LAMA2: variants seen among roughly 807,000 people sequenced by gnomAD.
LAMA2 encodes the protein laminin subunit alpha-2.
Under a neutral mutation model 364.8 loss-of-function variants are expected in LAMA2, and 269 were observed. That is an observed-to-expected ratio of 0.74 (90% CI 0.67 to 0.82). LAMA2 has a LOEUF of 0.82. Among genes scored for constraint, LAMA2 ranks in the 40% least tolerant of loss-of-function variants. The pLI, the probability that LAMA2 is intolerant of heterozygous loss-of-function variation, is 0.00. For missense variants in LAMA2, 3,807 were observed against 3,873.2 expected (o/e 0.98, Z 0.45); for synonymous variants, 1,379 against 1,370.6 (o/e 1.01, Z -0.14).
chr6:129,133,090 A>T (rs1430926232), intron 4 of LAMA2, among the ~76,000 whole-genome samples: 1 of 152,202 alleles, frequency 6.6e-6, no homozygotes, highest in African/African-American at 2.4e-5. Context: ...ACATACAAAC[A>T]TCCTTACAGT....
chr6:128,927,986 C>T (rs1446337604), intron 1 of LAMA2, among the ~76,000 whole-genome samples: 1 of 152,150 alleles, frequency 6.6e-6, no homozygotes, highest in Non-Finnish European at 1.5e-5. Flanking sequence ...CTGTAAAGTA[C>T]AGGAAATACT....
At chr6:129,055,166 A>ATTATTATTAT (rs35284161) in intron 2 of LAMA2, among the ~76,000 whole-genome samples, 67,022 of 122,880 alleles carry the variant, frequency 0.55, 17,806 homozygotes, top group East Asian at 0.79. Flanking sequence ...TTTACTTTAC[A>ATTATTATTAT]TTATTATTAT....
Position 129,464,416 on chromosome 6 carries a change from G to C in LAMA2, c.7119G>C (p.Ser2373=), listed in dbSNP as rs780101728. The C allele has an allele frequency of 4.3e-6, 7 of 1,612,050 alleles. No homozygotes were observed. In the Admixed American group the frequency reaches 1.2e-4, roughly 27 times the overall value. ...TGTTCAAGTTCAGAACATTTTCTTCGAGTGCTCTTCTGATGTATCTTGCCA... is the reference window on the plus strand; with the variant it reads ...TGTTCAAGTTCAGAACATTTTCTTCCAGTGCTCTTCTGATGTATCTTGCCA... ...TVMFKFRTFS[S]SALLMYLATR... The change falls in exon 50 of 65, where the codon TCG becomes TCC. Residue 2373 remains serine (S), a synonymous_variant. Coordinates refer to ENST00000421865, the MANE Select transcript of LAMA2 (RefSeq NM_000426.4).
At chr6:129,339,693 C>T (rs752698148) in intron 29 of LAMA2, among the ~76,000 whole-genome samples, 1 of 152,124 alleles carries the variant, frequency 6.6e-6, no homozygotes, top group Non-Finnish European at 1.5e-5. Flanking sequence ...GGAGAAACAT[C>T]AACTGGCTTA....
intron 1 of LAMA2, among the ~76,000 whole-genome samples, chr6:128,910,141 C>G (rs538141613): frequency 6.6e-6 from 1 of 152,026 alleles, no homozygotes; most frequent in Non-Finnish European, 1.5e-5. Context: ...CGAGAAGTAT[C>G]TTTGTGGCCT....
chr6:129,297,709 G>A lies in LAMA2; in HGVS notation c.2881G>A (p.Ala961Thr), dbSNP rs147301872. 3.0e-5 allele frequency: 49 copies of A among 1,613,912 alleles called. No individual in the cohort carries two copies. The East Asian group carries it at 3.8e-4, about 12-fold the overall frequency. The change falls in exon 21 of 65, where the codon GCA becomes ACA. Residue 961 changes from alanine to threonine, a missense_variant. Ala to Thr is a moderately conservative substitution (Grantham distance 58). Around this residue, in one of 3 missense-constraint regions of LAMA2, gnomAD observed 3,333 missense variants for 3,345.7 expected, o/e 1.00. Coordinates refer to ENST00000421865, the MANE Select transcript of LAMA2 (RefSeq NM_000426.4). The part of the protein sequence containing the change: ...CKAGTFGLQS[A>T]RGCVPCNCNS... The stretch of plus-strand genomic sequence containing the variant: ...GGCTGGGACCTTTGGCCTACAATCA[G>A]CAAGGGGCTGTGTTCCCTGCAACTG...
At chr6:129,378,058 A>G (rs924679789) in intron 34 of LAMA2, among the ~76,000 whole-genome samples, 40 of 152,230 alleles carry the variant, frequency 2.6e-4, no homozygotes, top group African/African-American at 9.4e-4. Flanking sequence ...TGTGTAAGGC[A>G]TCATTTACAA....
intron 1 of LAMA2, among the ~76,000 whole-genome samples, chr6:128,907,687 G>A (rs1470704455): frequency 2.0e-5 from 3 of 152,150 alleles, no homozygotes; most frequent in Admixed American, 6.5e-5. Context: ...TAGGAGTGGT[G>A]AGAGAGGGCA....
At chr6:129,152,966 A>G (rs1257436580) in intron 7 of LAMA2, among the ~76,000 whole-genome samples, 7 of 152,002 alleles carry the variant, frequency 4.6e-5, no homozygotes, top group Non-Finnish European at 8.8e-5. Context: ...ATTGAGCTGT[A>G]TGCATACAAG....
At chr6:128,893,385 T>C (rs1037795800) in intron 1 of LAMA2, among the ~76,000 whole-genome samples, 1 of 151,844 alleles carries the variant, frequency 6.6e-6, no homozygotes, top group African/African-American at 2.4e-5. Flanking sequence ...AACCATTTGT[T>C]ATTAATTAAT....
chr6:129,501,094 T>G (rs1178492464), intron 58 of LAMA2, among the ~76,000 whole-genome samples: 1 of 152,204 alleles, frequency 6.6e-6, no homozygotes, highest in African/African-American at 2.4e-5. Flanking sequence ...TGAGGAAGAC[T>G]GCAAGCTGCG....
intron 1 of LAMA2, among the ~76,000 whole-genome samples, chr6:128,972,586 T>TG (rs531652814): frequency 1.9e-3 from 295 of 152,304 alleles, no homozygotes; most frequent in African/African-American, 6.9e-3. Context: ...GAATCTTTTC[T>TG]GGGGGTATTG....
chr6:129,373,816 T>G (rs4298368), intron 34 of LAMA2, among the ~76,000 whole-genome samples: 58,197 of 152,032 alleles, frequency 0.38, 12,860 homozygotes, highest in Non-Finnish European at 0.5. Context: ...AAAGTACCAT[T>G]TTCATCACAT....
intron 29 of LAMA2, among the ~76,000 whole-genome samples, chr6:129,339,624 T>C (rs1411007908): frequency 6.6e-6 from 1 of 152,070 alleles, no homozygotes; most frequent in Non-Finnish European, 1.5e-5. Context: ...GCGTCAATTA[T>C]ATTGAACAGA....
chr6:129,468,207 A>G (rs758714933), intron 51 of LAMA2, among the ~76,000 whole-genome samples: 16 of 151,770 alleles, frequency 1.1e-4, no homozygotes, highest in Non-Finnish European at 1.6e-4. Context: ...TCTCTATGGT[A>G]TCACCGTTAA....
At chr6:129,175,546 A>G (rs1047303612) in intron 9 of LAMA2, among the ~76,000 whole-genome samples, 3 of 152,244 alleles carry the variant, frequency 2.0e-5, no homozygotes, top group Non-Finnish European at 4.4e-5. Context: ...TATGACCATA[A>G]GAGTTTCAAG....
chr6:129,291,219 G>A (rs945409180), intron 19 of LAMA2, among the ~76,000 whole-genome samples: 2 of 152,150 alleles, frequency 1.3e-5, no homozygotes, highest in Admixed American at 6.5e-5. Flanking sequence ...AACTAAAACA[G>A]CGTTACACCT....
chr6:128,896,473 C>T (rs936159118), intron 1 of LAMA2, among the ~76,000 whole-genome samples: 21 of 151,090 alleles, frequency 1.4e-4, no homozygotes, highest in African/African-American at 5.1e-4. Flanking sequence ...TGTGTCCCAT[C>T]TTTATTGCTT....
intron 3 of LAMA2, among the ~76,000 whole-genome samples, chr6:129,062,439 T>C (rs1348260495): frequency 6.6e-6 from 1 of 152,114 alleles, no homozygotes; most frequent in African/African-American, 2.4e-5. Flanking sequence ...ATTTTTATTA[T>C]ATATTTTCAA....
Sources: allele counts gnomAD v4.1 joint callset (sites outside exome capture counted in the v4.1 genomes callset), GRCh38; gene constraint gnomAD v4.1.1; regional missense constraint gnomAD v4.1.1; transcripts MANE v1.5; gene names NCBI Gene and HGNC (gene_info 2026-07-23, HGNC 2026-07-21).